The following CDKAL1 variants were observed in gnomAD, a reference collection of about 807,000 sequenced individuals.
The protein encoded by CDKAL1 is CDKAL1 threonylcarbamoyladenosine tRNA methylthiotransferase, also known as threonylcarbamoyladenosine tRNA methylthiotransferase.
CDKAL1 carries 32 observed loss-of-function variants against 68.2 expected under a neutral mutation model. That is an observed-to-expected ratio of 0.47 (90% CI 0.35 to 0.63). CDKAL1 has a LOEUF of 0.63. CDKAL1 is among the 30% of genes least tolerant of loss of function. The probability of loss-of-function intolerance (pLI) is 0.00; values close to 1 mark genes in which losing one functional copy is unlikely to be tolerated. For synonymous variants in CDKAL1, 234 were observed against 244.3 expected (o/e 0.96, Z 0.39); for missense variants, 606 against 696.7 (o/e 0.87, Z 1.47).
intron 7 of CDKAL1, among the ~76,000 whole-genome samples, chr6:20,767,927 A>G (rs899671963): frequency 3.3e-5 from 5 of 152,130 alleles, no homozygotes; most frequent in African/African-American, 1.2e-4. Flanking sequence ...TAGGATATCA[A>G]CTCTGGATAT....
intron 13 of CDKAL1, among the ~76,000 whole-genome samples, chr6:21,172,141 A>C (rs895448314): frequency 6.6e-6 from 1 of 152,108 alleles, no homozygotes; most frequent in Admixed American, 6.6e-5. Context: ...ACCTGATACT[A>C]AGTGCTTTAT....
intron 4 of CDKAL1, among the ~76,000 whole-genome samples, chr6:20,590,139 G>A (rs1040332956): frequency 1.1e-4 from 17 of 152,264 alleles, no homozygotes; most frequent in Non-Finnish European, 2.1e-4. Flanking sequence ...AGTATTAACA[G>A]TTGTTAATAC....
chr6:21,127,502 T>C lies in CDKAL1; in HGVS notation c.1299+19039T>C, dbSNP rs183474984. Among the ~76,000 whole-genome samples the C allele has an allele frequency of 4.4e-4, 67 of 152,222 alleles. No homozygotes were observed. In the East Asian group the frequency reaches 0.012, roughly 27 times the overall value. On this transcript the variant is annotated intron_variant, in intron 13 of 15. Transcript: ENST00000274695. ...CAGTGTCTCACACCTGTAATCCCAA[T>C]ACTTTGGGAGGCCGAGGTCAGCAGA...
chr6:20,992,416 T>C (rs961856383), intron 10 of CDKAL1, among the ~76,000 whole-genome samples: 1 of 151,978 alleles, frequency 6.6e-6, no homozygotes, highest in Non-Finnish European at 1.5e-5. Context: ...AATAAGATCT[T>C]ATATGTACCA....
intron 7 of CDKAL1, among the ~76,000 whole-genome samples, chr6:20,767,529 C>T (rs1488236835): frequency 3.9e-5 from 6 of 151,918 alleles, no homozygotes; most frequent in Non-Finnish European, 5.9e-5. Flanking sequence ...CAAGTGAAAA[C>T]TGGCACCACA....
intron 9 of CDKAL1, among the ~76,000 whole-genome samples, chr6:20,942,607 TCTG>T (rs1764037376): frequency 6.7e-6 from 1 of 150,000 alleles, no homozygotes; most frequent in Non-Finnish European, 1.5e-5. Flanking sequence ...CCTCAGGTGA[TCTG>T]CCTGCCTTGG....
At chr6:20,584,542 G>C (rs1447118090) in intron 4 of CDKAL1, among the ~76,000 whole-genome samples, 1 of 152,200 alleles carries the variant, frequency 6.6e-6, no homozygotes, top group Non-Finnish European at 1.5e-5. Context: ...GGTCATAACT[G>C]TGATCCCTTT....
intron 6 of CDKAL1, among the ~76,000 whole-genome samples, chr6:20,749,183 A>G (rs1773805174): frequency 6.6e-6 from 1 of 152,214 alleles, no homozygotes; most frequent in African/African-American, 2.4e-5. Context: ...TAGCCTGAGC[A>G]ATGTTGTTAA....
Position 20,604,413 on chromosome 6 carries a change from C to T in CDKAL1, c.287-44880C>T, listed in dbSNP as rs576892653. Reference sequence around the variant, plus strand: ...CTGCTAGTGGTTGATTATATTGGACCTCTTCCATCATGGAGGGGGCAAAGA... The same window carrying T: ...CTGCTAGTGGTTGATTATATTGGACTTCTTCCATCATGGAGGGGGCAAAGA... On this transcript the variant is annotated intron_variant, in intron 4 of 15. Coordinates refer to ENST00000274695, the MANE Select transcript of CDKAL1 (RefSeq NM_017774.3). Among the ~76,000 whole-genome samples, 22 of 152,284 alleles carry T rather than the reference C, an allele frequency of 1.4e-4. No individual in the cohort carries two copies. The East Asian group carries it at 4.2e-3, about 29-fold the overall frequency.
intron 13 of CDKAL1, among the ~76,000 whole-genome samples, chr6:21,128,100 A>T (rs1023657987): frequency 3.3e-5 from 5 of 152,202 alleles, no homozygotes; most frequent in African/African-American, 1.2e-4. Flanking sequence ...TTTTGACTTT[A>T]CGATTGTGGG....
chr6:20,906,289 G>A (rs1762228814), intron 9 of CDKAL1, among the ~76,000 whole-genome samples: 1 of 150,392 alleles, frequency 6.6e-6, no homozygotes, highest in African/African-American at 2.5e-5. Context: ...GTATAATTTT[G>A]TAACATAAGC....
At chr6:20,968,705 T>A (rs1481214430) in intron 10 of CDKAL1, among the ~76,000 whole-genome samples, 1 of 152,078 alleles carries the variant, frequency 6.6e-6, no homozygotes, top group African/African-American at 2.4e-5. Flanking sequence ...TAGTAATTTT[T>A]AAATTTTAGT....
chr6:21,141,798 C>T (rs755759287), intron 13 of CDKAL1, among the ~76,000 whole-genome samples: 4 of 152,242 alleles, frequency 2.6e-5, no homozygotes, highest in Non-Finnish European at 2.9e-5. Flanking sequence ...AGGAGGGACC[C>T]AGCCAACACT....
intron 10 of CDKAL1, among the ~76,000 whole-genome samples, chr6:20,956,603 A>G (rs1764788854): frequency 6.6e-6 from 1 of 152,192 alleles, no homozygotes; most frequent in South Asian, 2.1e-4. Context: ...TAACATCCCA[A>G]AAAGCTAAAA....
chr6:21,179,046 T>G (rs772507417), intron 13 of CDKAL1, among the ~76,000 whole-genome samples: 1 of 152,264 alleles, frequency 6.6e-6, no homozygotes, highest in Non-Finnish European at 1.5e-5. Context: ...TTTTCCATTA[T>G]CCCTGTTATC....
At chr6:20,980,262 C>T (rs365001) in intron 10 of CDKAL1, among the ~76,000 whole-genome samples, 14,662 of 150,774 alleles carry the variant, frequency 0.097, 813 homozygotes, top group Middle Eastern at 0.16. Flanking sequence ...TTTTGAGACG[C>T]AGTCTCGTTC....
chr6:21,066,558 C>T (rs1309021778), intron 12 of CDKAL1, among the ~76,000 whole-genome samples: 1 of 152,154 alleles, frequency 6.6e-6, no homozygotes, highest in Admixed American at 6.5e-5. Flanking sequence ...ACATGACAAT[C>T]AAGATATAGA....
intron 9 of CDKAL1, among the ~76,000 whole-genome samples, chr6:20,937,116 T>G (rs1763758713): frequency 6.6e-6 from 1 of 152,210 alleles, no homozygotes; most frequent in African/African-American, 2.4e-5. Flanking sequence ...AAAGACAGTG[T>G]TTCACTCTGT....
intron 10 of CDKAL1, among the ~76,000 whole-genome samples, chr6:20,972,178 A>C (rs1765633521): frequency 6.6e-6 from 1 of 152,220 alleles, no homozygotes; most frequent in Non-Finnish European, 1.5e-5. Flanking sequence ...TAAATAATAC[A>C]GTGTAAAGTG....
Sources: allele counts gnomAD v4.1 joint callset (sites outside exome capture counted in the v4.1 genomes callset), GRCh38; gene constraint gnomAD v4.1.1; transcripts MANE v1.5; gene names NCBI Gene and HGNC (gene_info 2026-07-23, HGNC 2026-07-21).